Variants in MTAP observed in about 807,000 individuals in gnomAD.
MTAP encodes S-methyl-5'-thioadenosine phosphorylase.
In MTAP, 33 loss-of-function variants were observed where a neutral mutation model predicts 33.6. The ratio of observed to expected loss-of-function variants is 0.98; its 90% CI spans 0.74 to 1.31. MTAP has a LOEUF of 1.31. MTAP is among the 40% of genes most tolerant of loss of function. The pLI, the probability that MTAP is intolerant of heterozygous loss-of-function variation, is 0.00. For missense variants in MTAP, 367 were observed against 360.0 expected (o/e 1.02, Z -0.16); for synonymous variants, 148 against 125.7 (o/e 1.18, Z -1.19).
rs149879526 is a variant in MTAP at position 21,833,685 on chromosome 9, T to C, written c.348-4223T>C. Among the ~76,000 whole-genome samples the C allele has an allele frequency of 2.8e-3, 431 of 152,338 alleles. 2 individuals are homozygous for C. Among genetic ancestry groups the C allele is most frequent in the African/African-American group, 9.7e-3 (403 of 41,592 alleles). ...ATTAATTGACTCACGATTCTGCATG[T>C]TGGGGCTTGTTGTGGATACAGACCG... On this transcript the variant is annotated intron_variant, in intron 4 of 7. Transcript: ENST00000644715.
intron 1 of MTAP, among the ~76,000 whole-genome samples, chr9:21,908,196 T>C (rs1818505117): frequency 6.6e-6 from 1 of 152,184 alleles, no homozygotes. Context: ...TTCAATAATG[T>C]TATATAAAAT....
intron 1 of MTAP, chr9:21,893,464 C>T (rs1312868348): frequency 2.0e-5 from 3 of 152,042 alleles, no homozygotes; most frequent in South Asian, 2.1e-4. Context: ...TGAAACCAAA[C>T]GTTGGTTTTC....
intron 4 of MTAP, among the ~76,000 whole-genome samples, chr9:21,832,797 A>G (rs558041230): frequency 6.6e-6 from 1 of 152,212 alleles, no homozygotes; most frequent in Non-Finnish European, 1.5e-5. Context: ...TACGGCATAC[A>G]GCAGTCATTA....
chr9:21,931,075 A>G (rs1229196469), exon 2 of MTAP: 3 of 764,244 alleles, frequency 3.9e-6, no homozygotes, highest in African/African-American at 1.7e-5. Flanking sequence ...TCACCCTTCT[A>G]CAGAGGACTC....
At chr9:21,823,326 A>G (rs1262937586) in intron 4 of MTAP, among the ~76,000 whole-genome samples, 2 of 152,178 alleles carry the variant, frequency 1.3e-5, no homozygotes, top group Non-Finnish European at 2.9e-5. Flanking sequence ...CAAAATCCTC[A>G]GCATTTGCTT....
intron 4 of MTAP, among the ~76,000 whole-genome samples, chr9:21,819,053 G>A (rs571508623): frequency 2.9e-4 from 44 of 151,758 alleles, no homozygotes; most frequent in South Asian, 1.5e-3. Context: ...TAATGTCCAG[G>A]TTCACCCATG....
intron 1 of MTAP, among the ~76,000 whole-genome samples, chr9:21,897,728 A>G (rs574626686): frequency 1.1e-3 from 163 of 152,362 alleles, no homozygotes; most frequent in African/African-American, 3.8e-3. Context: ...AATGAAATAA[A>G]AGAGGACACA....
intron 4 of MTAP, among the ~76,000 whole-genome samples, chr9:21,825,585 C>T (rs1433151385): frequency 2.0e-5 from 3 of 152,202 alleles, no homozygotes; most frequent in Non-Finnish European, 4.4e-5. Flanking sequence ...CGCCTGTAAT[C>T]CTAGCACTTT....
At chr9:21,925,636 C>T (rs543785077) in intron 1 of MTAP, among the ~76,000 whole-genome samples, 1 of 152,328 alleles carries the variant, frequency 6.6e-6, no homozygotes, top group African/African-American at 2.4e-5. Flanking sequence ...AAAATCCCTA[C>T]ATGGCTTGCC....
chr9:21,847,564 A>G (rs1825412856), intron 5 of MTAP, among the ~76,000 whole-genome samples: 1 of 152,234 alleles, frequency 6.6e-6, no homozygotes, highest in African/African-American at 2.4e-5. Context: ...AGGACTCTAC[A>G]TAATACCTTT....
chr9:21,838,475 C>T (rs925444227), intron 5 of MTAP, among the ~76,000 whole-genome samples: 1 of 152,228 alleles, frequency 6.6e-6, no homozygotes, highest in Admixed American at 6.5e-5. Context: ...AGAGTTAATA[C>T]TTAATGAAGT....
chr9:21,814,002 A>G (rs1465130477), intron 1 of MTAP: 3 of 152,236 alleles, frequency 2.0e-5, no homozygotes, highest in East Asian at 1.9e-4. Flanking sequence ...CGTTGACATA[A>G]AAGTATGTTA....
At chr9:21,805,610 T>C (rs1328856132) in intron 1 of MTAP, among the ~76,000 whole-genome samples, 2 of 152,188 alleles carry the variant, frequency 1.3e-5, no homozygotes, top group Non-Finnish European at 2.9e-5. Context: ...ATGGGGCCTT[T>C]GGGCGTGATT....
intron 6 of MTAP, among the ~76,000 whole-genome samples, chr9:21,856,869 C>T (rs1379143806): frequency 6.6e-6 from 1 of 152,106 alleles, no homozygotes; most frequent in Non-Finnish European, 1.5e-5. Flanking sequence ...TCACATTGGG[C>T]GAGTTATTTC....
chr9:21,804,955 C>T (rs1824169925), intron 1 of MTAP, among the ~76,000 whole-genome samples: 1 of 152,188 alleles, frequency 6.6e-6, no homozygotes, highest in Admixed American at 6.5e-5. Flanking sequence ...TTAAAATGAG[C>T]ACTTGATAGA....
chr9:21,856,157 C>A, intron 6 of MTAP: 1 of 985,198 alleles, frequency 1.0e-6, no homozygotes, highest in Non-Finnish European at 1.2e-6. Context: ...GATAAAGGGA[C>A]GACAAAACTG....
rs1825823357 is a variant in MTAP, at chr9:21,864,766, A to C, written c.*2752A>C. ...CCTTGAAGAGGGAGTGACTAAGGTGACCTCCAACCTGCCCTGAGCCAGCTG... is the reference window on the plus strand; with the variant it reads ...CCTTGAAGAGGGAGTGACTAAGGTGCCCTCCAACCTGCCCTGAGCCAGCTG... On this transcript the variant is annotated 3_prime_UTR_variant, in exon 8 of 8. Coordinates refer to ENST00000644715, the MANE Select transcript of MTAP (RefSeq NM_002451.4). 3 of 985,266 alleles carry C rather than the reference A, an allele frequency of 3.0e-6. No individual in the cohort carries two copies. Among genetic ancestry groups the C allele is most frequent in the Non-Finnish European group, 3.6e-6 (3 of 829,912 alleles). The allele number at this position is 985,266 out of a possible 1,614,324, so 61.0% of individuals were successfully genotyped here. A position where few individuals can be genotyped will look rare whatever the true frequency, so the allele number is the denominator to read the frequency against.
intron 1 of MTAP, among the ~76,000 whole-genome samples, chr9:21,900,865 A>C (rs145216911): frequency 3.3e-5 from 5 of 152,368 alleles, no homozygotes; most frequent in African/African-American, 7.2e-5. Flanking sequence ...TGTCTTTTGC[A>C]GCAGCATGGA....
intron 1 of MTAP, among the ~76,000 whole-genome samples, chr9:21,876,080 G>A (rs1826004391): frequency 6.6e-6 from 1 of 152,126 alleles, no homozygotes; most frequent in African/African-American, 2.4e-5. Context: ...GCTGTGAAAT[G>A]GTGTCTCATT....
Sources: gnomAD v4.1 joint callset for allele counts (sites outside exome capture counted in the v4.1 genomes callset) on GRCh38, gnomAD v4.1.1 for gene constraint, MANE v1.5 for transcripts, NCBI Gene and HGNC (gene_info 2026-07-23, HGNC 2026-07-21) for gene names.